The following DYNC2I2 variants were observed in gnomAD, a reference collection of about 807,000 sequenced individuals.
The protein encoded by DYNC2I2 is dynein 2 intermediate chain 2, also known as cytoplasmic dynein 2 intermediate chain 2.
Under a neutral mutation model 52.0 loss-of-function variants are expected in DYNC2I2, and 39 were observed. The observed-to-expected ratio is 0.75, with a 90% CI of 0.58 to 0.98. The LOEUF (loss-of-function observed/expected upper bound fraction) is 0.98. DYNC2I2 is among the 50% of genes least tolerant of loss of function. DYNC2I2 has a pLI of 0.00. For synonymous variants in DYNC2I2, 359 were observed against 321.1 expected, an observed-to-expected ratio of 1.12 and a Z score of -1.26; for missense variants, 743 against 728.4, an observed-to-expected ratio of 1.02 and a Z score of -0.23.
chr9:128,649,838 C>T (rs530780264), intron 1 of DYNC2I2, among the ~76,000 whole-genome samples: 290 of 31,290 alleles, frequency 9.3e-3, no homozygotes, highest in Middle Eastern at 0.029. Context: ...ACTAAAAATA[C>T]AAAAATTAGC....
intron 2 of DYNC2I2, among the ~76,000 whole-genome samples, chr9:128,639,269 G>A (rs1197838479): frequency 6.6e-6 from 1 of 151,572 alleles, no homozygotes; most frequent in Non-Finnish European, 1.5e-5. Context: ...GTGGTGGCGG[G>A]TGCCTGTAAT....
chr9:128,655,335 T>TA (rs869197100), intron 1 of DYNC2I2, among the ~76,000 whole-genome samples: 196 of 18,692 alleles, frequency 0.01, 12 homozygotes, highest in African/African-American at 0.026. Flanking sequence ...CCGTCTCTAC[T>TA]AAAAAAAAAA....
upstream of DYNC2I2, among the ~76,000 whole-genome samples, chr9:128,658,397 T>G (rs1487836346): frequency 6.6e-6 from 1 of 152,074 alleles, no homozygotes; most frequent in Non-Finnish European, 1.5e-5. Context: ...ACTCCTGATC[T>G]CAAATGATCT....
At chr9:128,681,159 C>T in the DYNC2I2 span, among the ~76,000 whole-genome samples, 6 of 152,134 alleles carry the variant, frequency 3.9e-5, no homozygotes, top group Admixed American at 3.3e-4. Flanking sequence ...GGCGCAGTCT[C>T]GGCTCACTGC....
At chr9:128,652,566 T>G (rs1293767753) in intron 1 of DYNC2I2, among the ~76,000 whole-genome samples, 1 of 149,042 alleles carries the variant, frequency 6.7e-6, no homozygotes, top group Non-Finnish European at 1.5e-5. Context: ...TAGGTTGCAG[T>G]GACCCAAGAT....
At chr9:128,640,257 G>A (rs1333067342) in intron 2 of DYNC2I2, among the ~76,000 whole-genome samples, 4 of 149,636 alleles carry the variant, frequency 2.7e-5, no homozygotes, top group African/African-American at 7.4e-5. Context: ...TGATCCGCCC[G>A]CCTCGGCCTC....
At chr9:128,673,607 G>A in the DYNC2I2 span, among the ~76,000 whole-genome samples, 717 of 150,580 alleles carry the variant, frequency 4.8e-3, 8 homozygotes, top group African/African-American at 0.017. Context: ...CTGGGTTCAC[G>A]CCATTCTCCT....
chr9:128,669,519 G>A, the DYNC2I2 span, among the ~76,000 whole-genome samples: 2 of 152,156 alleles, frequency 1.3e-5, no homozygotes, highest in Non-Finnish European at 2.9e-5. Flanking sequence ...GCAACATGGA[G>A]AAACCCTGTC....
At chr9:128,669,097 G>T in the DYNC2I2 span, among the ~76,000 whole-genome samples, 1 of 152,078 alleles carries the variant, frequency 6.6e-6, no homozygotes, top group African/African-American at 2.4e-5. Context: ...CGGGTGTGGT[G>T]GCTCACACCT....
At chr9:128,642,831 G>A (rs1860543778) in intron 1 of DYNC2I2, among the ~76,000 whole-genome samples, 1 of 152,148 alleles carries the variant, frequency 6.6e-6, no homozygotes, top group South Asian at 2.1e-4. Flanking sequence ...AAAAGAAAAT[G>A]TGCAAGATTC....
At chr9:128,641,029 C>T (rs1351866403) in intron 1 of DYNC2I2, 90 bp from the exon 2 acceptor site, 36 of 1,465,260 alleles carry the variant, frequency 2.5e-5, no homozygotes, top group Non-Finnish European at 3.1e-5. Context: ...GCTTGACCCC[C>T]TCCTTGCTGC....
chr9:128,656,905 A>G (rs1424792729), upstream of DYNC2I2: 4 of 660,606 alleles, frequency 6.1e-6, no homozygotes, highest in South Asian at 3.2e-5. Context: ...AGAGAGAAGC[A>G]TGACCGGTTT....
intron 1 of DYNC2I2, among the ~76,000 whole-genome samples, chr9:128,655,329 C>A: frequency 1.2e-4 from 1 of 8,666 alleles, no homozygotes; most frequent in Non-Finnish European, 7.3e-4. Flanking sequence ...GAAACCCCGT[C>A]TCTACTAAAA....
rs1438841198 is a variant in DYNC2I2 at position 128,656,525 on chromosome 9, G to A, written c.186+16C>T. On this transcript the variant is annotated intron_variant, in intron 1 of 8. Coordinates refer to ENST00000372715, the MANE Select transcript of DYNC2I2 (RefSeq NM_052844.4). ...CTTCCCGCCCGCGTCGCTCCGCGCG[G>A]GGCCCGCGCCCTCACCGTCTCCCAG... 7.6e-7 allele frequency: 1 copy of A among 1,308,094 alleles called. No homozygotes were observed. The highest frequency in any genetic ancestry group is 9.7e-7 in the Non-Finnish European group (1 of 1,032,290). The allele number at this position is 1,308,094 out of a possible 1,614,324, so 81.0% of individuals were successfully genotyped here. A position where few individuals can be genotyped will look rare whatever the true frequency, so the allele number is the denominator to read the frequency against.
chr9:128,637,558 T>C (rs1221202632), intron 2 of DYNC2I2, among the ~76,000 whole-genome samples: 1 of 152,194 alleles, frequency 6.6e-6, no homozygotes, highest in African/African-American at 2.4e-5. Context: ...TTCTCATGCC[T>C]CAGCCTCCCA....
At chr9:128,634,104 G>T in intron 8 of DYNC2I2, 122 bp from the exon 9 acceptor site, 1 of 1,550,672 alleles carries the variant, frequency 6.4e-7, no homozygotes, top group African/African-American at 1.4e-5. Flanking sequence ...GAGTTGGGTT[G>T]CTGGAGGGAA....
chr9:128,657,448 G>T (rs1434342838), upstream of DYNC2I2, among the ~76,000 whole-genome samples: 1 of 151,596 alleles, frequency 6.6e-6, no homozygotes, highest in Non-Finnish European at 1.5e-5. Context: ...CATTCCGCGC[G>T]CCCCACCGGA....
the DYNC2I2 span, among the ~76,000 whole-genome samples, chr9:128,680,186 A>T: frequency 6.6e-6 from 1 of 151,036 alleles, no homozygotes; most frequent in Non-Finnish European, 1.5e-5. Flanking sequence ...TCAGCCTCCC[A>T]AGTAGCTGGG....
the DYNC2I2 span, among the ~76,000 whole-genome samples, chr9:128,672,605 G>T: frequency 6.6e-6 from 1 of 151,286 alleles, no homozygotes; most frequent in Non-Finnish European, 1.5e-5. Flanking sequence ...CTATGCTTCT[G>T]GGGAGAAAAA....
Sources: gnomAD v4.1 joint callset for allele counts (sites outside exome capture counted in the v4.1 genomes callset) on GRCh38, gnomAD v4.1.1 for gene constraint, MANE v1.5 for transcripts, NCBI Gene and HGNC (gene_info 2026-07-23, HGNC 2026-07-21) for gene names.